PDXDC1: variants seen among roughly 807,000 people sequenced by gnomAD.
PDXDC1 encodes the protein pyridoxal dependent decarboxylase domain containing 1, also known as pyridoxal-dependent decarboxylase domain-containing protein 1.
In PDXDC1, 42 loss-of-function variants were observed where a neutral mutation model predicts 100.1. The ratio of observed to expected loss-of-function variants is 0.42; its 90% CI spans 0.33 to 0.54. PDXDC1 has a LOEUF of 0.54. Ranked by LOEUF, PDXDC1 falls within the 20% of genes least tolerant of loss-of-function variation. The pLI is 0.10. For missense variants in PDXDC1, 636 were observed against 979.2 expected (o/e 0.65, Z 4.68); for synonymous variants, 260 against 371.7 (o/e 0.70, Z 3.46).
At chr16:15,013,220 G>A (rs1314200205) in intron 8 of PDXDC1, among the ~76,000 whole-genome samples, 1 of 152,242 alleles carries the variant, frequency 6.6e-6, no homozygotes, top group Non-Finnish European at 1.5e-5. Flanking sequence ...GTGGTGGTGG[G>A]CACCTGTAGT....
chr16:15,014,575 AT>A (rs570238625), intron 8 of PDXDC1, among the ~76,000 whole-genome samples: 28 of 150,436 alleles, frequency 1.9e-4, no homozygotes, highest in East Asian at 9.7e-4. Flanking sequence ...GTCTGTTAAG[AT>A]TTTTTTTTTT....
intron 16 of PDXDC1, chr16:15,135,713 G>C (rs1406174899): frequency 1.3e-6 from 2 of 1,595,322 alleles, no homozygotes; most frequent in Admixed American, 1.7e-5. Context: ...CTCCAGGTTG[G>C]GGTCGTAGGA....
Position 15,038,061 on chromosome 16 carries a change from C to CAAGCCATCTTCATTT in PDXDC1, c.*1787_*1801dup. ...TTCCTGGAGAAGAGATCTTTTCCCA[C>CAAGCCATCTTCATTT]AAGCCATCTTCATTTTTTTTGTAGA... is the stretch of plus-strand genomic sequence containing the variant. On this transcript the variant is annotated 3_prime_UTR_variant, in exon 23 of 23. Coordinates refer to ENST00000396410, the MANE Select transcript of PDXDC1 (RefSeq NM_015027.4). 6.2e-7 allele frequency: 1 copy of CAAGCCATCTTCATTT among 1,612,606 alleles called. No homozygotes were observed. The highest frequency in any genetic ancestry group is 1.1e-5 in the South Asian group (1 of 90,772).
chr16:15,141,905 T>C (rs2048481318), downstream of PDXDC1, among the ~76,000 whole-genome samples: 1 of 152,150 alleles, frequency 6.6e-6, no homozygotes, highest in African/African-American at 2.4e-5. Flanking sequence ...GGAGGGACTT[T>C]TCAGCGGCTG....
Position 15,034,464 on chromosome 16 carries a change from T to TG in PDXDC1, c.1914dup (p.Arg639AlafsTer26). The stretch of plus-strand genomic sequence containing the variant: ...TCTGGTCCTGTCTTGCAGGGGGTGT[T>TG]GCGGCAGATCCCTGTAGTGGGCTCC... On this transcript the variant is annotated frameshift_variant, in exon 21 of 23. Transcript: ENST00000396410. LOFTEE classifies it high-confidence loss of function. 6.2e-7 allele frequency: 1 copy of TG among 1,614,106 alleles called. No individual in the cohort carries two copies. Among genetic ancestry groups the TG allele is most frequent in the Non-Finnish European group, 8.5e-7 (1 of 1,180,014 alleles).
chr16:15,047,764 C>T (rs1235574626), intron 16 of PDXDC1: 2 of 1,151,302 alleles, frequency 1.7e-6, no homozygotes, highest in Non-Finnish European at 2.6e-6. Flanking sequence ...CCGCTTCCAA[C>T]AAGACACCAG....
chr16:15,143,106 G>A (rs1216905392), downstream of PDXDC1, among the ~76,000 whole-genome samples: 6 of 152,128 alleles, frequency 3.9e-5, no homozygotes, highest in East Asian at 1.9e-4. Flanking sequence ...GGGGCAGGAC[G>A]GTGCCCCAGC....
chr16:15,038,781 C>T (rs2043668940), downstream of PDXDC1: 9 of 672,036 alleles, frequency 1.3e-5, no homozygotes, highest in Non-Finnish European at 1.8e-5. Flanking sequence ...TCCTTTCATG[C>T]ATTTATCTGC....
chr16:15,036,333 A>G lies in PDXDC1; in HGVS notation c.*58A>G, dbSNP rs2043452293. 7 of 1,458,224 alleles carry G rather than the reference A, an allele frequency of 4.8e-6. No individual in the cohort carries two copies. The South Asian group carries it at 7.4e-5, about 15-fold the overall frequency. 90.3% of individuals were successfully genotyped at this position (1,458,224 alleles called of 1,614,324 possible). A position where few individuals can be genotyped will look rare whatever the true frequency, so the allele number is the denominator to read the frequency against. ...ATTGTTTCAGGGAAGATGAAGTTCT[A>G]TTGGAAATGTGAACTGTGCCACATA... On this transcript the variant is annotated 3_prime_UTR_variant, in exon 23 of 23. Transcript: ENST00000396410.
intron 1 of PDXDC1, among the ~76,000 whole-genome samples, chr16:14,978,000 C>T (rs1967080607): frequency 6.6e-6 from 1 of 152,198 alleles, no homozygotes; most frequent in South Asian, 2.1e-4. Flanking sequence ...TAGAATCACT[C>T]AGTGATTTGG....
At chr16:15,083,471 A>T (rs749774815) in intron 16 of PDXDC1, 2 of 1,605,818 alleles carry the variant, frequency 1.2e-6, no homozygotes, top group Non-Finnish European at 1.7e-6. Context: ...GAAATCGTAC[A>T]AACAACTTTT....
intron 3 of PDXDC1, among the ~76,000 whole-genome samples, chr16:15,000,887 TTATA>T: frequency 6.7e-6 from 1 of 149,728 alleles, no homozygotes; most frequent in Non-Finnish European, 1.5e-5. Context: ...CTAAGGATGA[TTATA>T]TATTATATTT....
At chr16:15,062,201 C>A (rs961555499) in intron 16 of PDXDC1, among the ~76,000 whole-genome samples, 1 of 152,090 alleles carries the variant, frequency 6.6e-6, no homozygotes, top group Non-Finnish European at 1.5e-5. Context: ...TCCTTCTTAC[C>A]AACATACCCA....
chr16:15,044,588 TCTGGGGAC>T lies in PDXDC1; in HGVS notation c.1399+14534_1399+14541del. On this transcript the variant is annotated intron_variant, in intron 16 of 16. Transcript: ENST00000535621. ...ACACTGCCAAGGCCAGTGGCGAGCTTCTGGGGACCCTGCCCAGGGGCCCTGATGACTGA... is the reference window on the plus strand; with the variant it reads ...ACACTGCCAAGGCCAGTGGCGAGCTTCCTGCCCAGGGGCCCTGATGACTGA... The T allele has an allele frequency of 6.6e-6, 4 of 602,780 alleles. No homozygotes were observed. In the East Asian group the frequency reaches 1.1e-4, roughly 17 times the overall value. 37.3% of individuals were successfully genotyped at this position (602,780 alleles called of 1,614,324 possible). A position where few individuals can be genotyped will look rare whatever the true frequency, so the allele number is the denominator to read the frequency against.
rs2151669769 is a variant in PDXDC1 at position 15,037,134 on chromosome 16, CT to C, written c.*860del. 1 of 152,368 alleles carries C rather than the reference CT, an allele frequency of 6.6e-6. No homozygotes were observed. Among genetic ancestry groups the C allele is most frequent in the African/African-American group, 2.4e-5 (1 of 41,576 alleles). 9.4% of individuals were successfully genotyped at this position (152,368 alleles called of 1,614,324 possible). On this transcript the variant is annotated 3_prime_UTR_variant, in exon 23 of 23. Transcript: ENST00000396410. The stretch of plus-strand genomic sequence containing the variant: ...AAGTACCCCTTTGACCTGTCTCCCA[CT>C]GAAGCTTCTACTGCCCTGGCAGCTC...
At chr16:15,056,148 G>T in intron 16 of PDXDC1, 1 of 171,716 alleles carries the variant, frequency 5.8e-6, no homozygotes, top group Non-Finnish European at 1.2e-5. Flanking sequence ...CGAAGAGACT[G>T]GAGAAATCCA....
intron 16 of PDXDC1, among the ~76,000 whole-genome samples, chr16:15,124,631 G>T (rs1287264535): frequency 4.7e-5 from 7 of 149,986 alleles, no homozygotes; most frequent in Non-Finnish European, 4.5e-5. Context: ...AATTAGCCGG[G>T]TGCGGTGGTG....
At chr16:15,072,837 G>A in intron 16 of PDXDC1, 1 of 1,073,620 alleles carries the variant, frequency 9.3e-7, no homozygotes, top group Non-Finnish European at 1.4e-6. Flanking sequence ...TAGCAAGTAA[G>A]CTCAAAGAAA....
chr16:15,030,096 G>A (rs1364025504), intron 16 of PDXDC1, 40 bp downstream of exon 16: 6 of 1,523,046 alleles, frequency 3.9e-6, no homozygotes, highest in Non-Finnish European at 5.3e-6. Flanking sequence ...TTTTGTTCTG[G>A]GGCTGCTGGG....
Sources: gnomAD v4.1 joint callset for allele counts (sites outside exome capture counted in the v4.1 genomes callset) on GRCh38, gnomAD v4.1.1 for gene constraint, MANE v1.5 for transcripts, NCBI Gene and HGNC (gene_info 2026-07-23, HGNC 2026-07-21) for gene names.